The following NTM variants were observed in gnomAD, a reference collection of about 807,000 sequenced individuals.
NTM encodes neurotrimin, also known as IgLON family member 2.
NTM carries 13 observed loss-of-function variants against 42.1 expected under a neutral mutation model. That is an observed-to-expected ratio of 0.31 (90% CI 0.20 to 0.49). The LOEUF is 0.49. Among genes scored for constraint, NTM ranks in the 20% least tolerant of loss-of-function variants. The pLI is 0.99. For synonymous variants in NTM, 187 were observed against 179.2 expected, an observed-to-expected ratio of 1.04 and a Z score of -0.35; for missense variants, 373 against 452.8, an observed-to-expected ratio of 0.82 and a Z score of 1.60.
intron 6 of NTM, among the ~76,000 whole-genome samples, chr11:132,314,135 AAGTTTG>A (rs2136149744): frequency 1.3e-5 from 2 of 149,840 alleles, no homozygotes; most frequent in East Asian, 3.9e-4. Context: ...CTTCTCTCAG[AAGTTTG>A]AGTTTTTCAT....
At chr11:131,772,931 AT>A (rs35901645) in intron 1 of NTM, among the ~76,000 whole-genome samples, 2 of 152,180 alleles carry the variant, frequency 1.3e-5, no homozygotes, top group Non-Finnish European at 2.9e-5. Context: ...ATGAGTAGAC[AT>A]TTTTTAGACA....
chr11:131,979,556 A>G (rs1349300526), intron 2 of NTM, among the ~76,000 whole-genome samples: 1 of 152,238 alleles, frequency 6.6e-6, no homozygotes, highest in East Asian at 1.9e-4. Context: ...AGCCTTCTCA[A>G]CTGCCTGGGC....
intron 1 of NTM, among the ~76,000 whole-genome samples, chr11:131,778,326 C>G (rs1196449676): frequency 6.6e-6 from 1 of 152,202 alleles, no homozygotes; most frequent in Admixed American, 6.5e-5. Context: ...AGTCTTAATT[C>G]AAAAGCCATC....
chr11:131,957,971 C>T (rs1015275835), intron 2 of NTM, among the ~76,000 whole-genome samples: 5 of 152,066 alleles, frequency 3.3e-5, no homozygotes, highest in Non-Finnish European at 7.4e-5. Flanking sequence ...GGAATGGAAG[C>T]AGAAGAAGCC....
At chr11:131,949,007 G>A (rs1316515817) in intron 2 of NTM, among the ~76,000 whole-genome samples, 1 of 152,110 alleles carries the variant, frequency 6.6e-6, no homozygotes, top group Non-Finnish European at 1.5e-5. Flanking sequence ...TCCAGCCTCC[G>A]GGAGACACCA....
chr11:131,813,279 T>C (rs1424678238), intron 1 of NTM, among the ~76,000 whole-genome samples: 2 of 152,212 alleles, frequency 1.3e-5, no homozygotes, highest in Non-Finnish European at 2.9e-5. Flanking sequence ...ATAGCATCTG[T>C]GCTTTATGAT....
At chr11:131,377,055 G>A (rs1942066312) in intron 1 of NTM, among the ~76,000 whole-genome samples, 1 of 152,186 alleles carries the variant, frequency 6.6e-6, no homozygotes, top group Admixed American at 6.5e-5. Flanking sequence ...GGAAGCAAGG[G>A]TGGAGACTTC....
chr11:131,620,750 T>C (rs2062442224), intron 1 of NTM, among the ~76,000 whole-genome samples: 1 of 152,214 alleles, frequency 6.6e-6, no homozygotes, highest in Non-Finnish European at 1.5e-5. Context: ...ACTGTCCTTC[T>C]TCATAACACG....
rs78460585 is a variant in NTM at position 131,802,718 on chromosome 11, C to T, written c.83-108846C>T. Among the ~76,000 whole-genome samples the T allele has an allele frequency of 4.4e-3, 668 of 152,310 alleles. 9 individuals are homozygous for T. The highest frequency in any genetic ancestry group is 0.015 in the African/African-American group (630 of 41,560). The stretch of plus-strand genomic sequence containing the variant: ...CCTTTCTCGTGCAAACAGAGTGCTG[C>T]GCTAACCTTCCTCACTGCACTCCGT... On this transcript the variant is annotated intron_variant, in intron 1 of 8. Transcript: ENST00000683400.
intron 2 of NTM, among the ~76,000 whole-genome samples, chr11:131,936,389 G>A (rs987186862): frequency 3.3e-5 from 5 of 152,094 alleles, no homozygotes; most frequent in Non-Finnish European, 7.4e-5. Context: ...TTTCTCCCAT[G>A]CCTTTTTATC....
chr11:131,865,758 C>CACACACATGATACAT (rs2047078742), intron 1 of NTM, among the ~76,000 whole-genome samples: 2 of 151,340 alleles, frequency 1.3e-5, no homozygotes, highest in East Asian at 3.9e-4. Flanking sequence ...ACACAAGCTA[C>CACACACATGATACAT]ACACACATGC....
At position 132,002,536 on chromosome 11, in the gene NTM, A is replaced by G. The variant is rs2069541750; in HGVS notation, c.167+90888A>G. On this transcript the variant is annotated intron_variant, in intron 2 of 8. Coordinates refer to ENST00000683400, the MANE Select transcript of NTM (RefSeq NM_001352005.2). The surrounding 1 kb of genome is among the most constrained non-coding windows in gnomAD (Gnocchi z 4.5). ...CTGCAAATACTATGTAGAAGAATGAAATGATGTGTTGGTGTCTGTCCCCCA... is the reference window on the plus strand; with the variant it reads ...CTGCAAATACTATGTAGAAGAATGAGATGATGTGTTGGTGTCTGTCCCCCA... Among the ~76,000 whole-genome samples, 1 of 152,174 alleles carries G rather than the reference A, an allele frequency of 6.6e-6. No individual in the cohort carries two copies. The highest frequency in any genetic ancestry group is 1.5e-5 in the Non-Finnish European group (1 of 68,028).
intron 1 of NTM, among the ~76,000 whole-genome samples, chr11:131,772,365 T>G (rs2086248440): frequency 6.6e-6 from 1 of 152,218 alleles, no homozygotes; most frequent in Non-Finnish European, 1.5e-5. Context: ...ATCACCCCTG[T>G]GACTAGATTC....
At chr11:131,400,212 C>T (rs1000337693) in intron 1 of NTM, among the ~76,000 whole-genome samples, 19 of 152,098 alleles carry the variant, frequency 1.2e-4, no homozygotes, top group Admixed American at 3.3e-4. Flanking sequence ...GTCACCTGTC[C>T]TTTCTCTCCA....
chr11:131,623,435 C>T lies in NTM; in HGVS notation c.82+252547C>T, dbSNP rs568093409. ...ATAACTAAAGCCCTTGGCTCAAGTC[C>T]GAGACAGATGCCATGCTGTCCACCG... On this transcript the variant is annotated intron_variant, in intron 1 of 8. Coordinates refer to ENST00000683400, the MANE Select transcript of NTM (RefSeq NM_001352005.2). 9.5e-4 allele frequency among the ~76,000 whole-genome samples: 144 copies of T among 152,300 alleles called. 1 individual carries two copies. The highest frequency in any genetic ancestry group is 3.4e-3 in the African/African-American group (140 of 41,558).
At chr11:131,500,506 G>A (rs1385926206) in intron 1 of NTM, among the ~76,000 whole-genome samples, 1 of 147,862 alleles carries the variant, frequency 6.8e-6, no homozygotes, top group Non-Finnish European at 1.5e-5. Flanking sequence ...GCATAGAAAG[G>A]TGAAGTCATT....
At chr11:132,215,309 TTG>T (rs2083623324) in intron 4 of NTM, among the ~76,000 whole-genome samples, 2 of 152,240 alleles carry the variant, frequency 1.3e-5, no homozygotes, top group Non-Finnish European at 2.9e-5. Flanking sequence ...GATGACTTCA[TTG>T]CATTTTTTCT....
chr11:131,592,921 T>A (rs1349721884), intron 1 of NTM, among the ~76,000 whole-genome samples: 3 of 152,112 alleles, frequency 2.0e-5, no homozygotes, highest in African/African-American at 4.8e-5. Flanking sequence ...TCCGGCCACG[T>A]CTGGCAGCTG....
At chr11:131,757,517 C>A (rs1261030276) in intron 1 of NTM, among the ~76,000 whole-genome samples, 1 of 152,212 alleles carries the variant, frequency 6.6e-6, no homozygotes, top group African/African-American at 2.4e-5. Context: ...GGCACTGATT[C>A]TCTTCCTGCC....
Sources: allele counts gnomAD v4.1 joint callset (sites outside exome capture counted in the v4.1 genomes callset), GRCh38; gene constraint gnomAD v4.1.1; non-coding constraint Gnocchi (gnomAD v3.1); transcripts MANE v1.5; gene names NCBI Gene and HGNC (gene_info 2026-07-23, HGNC 2026-07-21).